Variants in DLGAP2 observed in about 807,000 individuals in gnomAD.
The protein encoded by DLGAP2 is disks large-associated protein 2.
DLGAP2 carries 26 observed loss-of-function variants against 100.3 expected under a neutral mutation model. The observed-to-expected ratio is 0.26, with a 90% CI of 0.19 to 0.36. DLGAP2 has a LOEUF of 0.36. Among genes scored for constraint, DLGAP2 ranks in the 10% least tolerant of loss-of-function variants. The pLI is 1.00. For synonymous variants in DLGAP2, 886 were observed against 630.1 expected, an observed-to-expected ratio of 1.41 and a Z score of -6.08; for missense variants, 1,858 against 1,453.2, an observed-to-expected ratio of 1.28 and a Z score of -4.53.
chr8:1,667,688 A>G (rs966425836), intron 8 of DLGAP2, among the ~76,000 whole-genome samples: 5 of 152,196 alleles, frequency 3.3e-5, no homozygotes, highest in African/African-American at 1.2e-4. Context: ...CTTCTCACAC[A>G]CAGGTTTCCT....
intron 3 of DLGAP2, among the ~76,000 whole-genome samples, chr8:1,496,220 A>G (rs1044328806): frequency 2.0e-5 from 3 of 151,300 alleles, no homozygotes; most frequent in African/African-American, 7.3e-5. Flanking sequence ...TCCCTCCATC[A>G]TCACTCAGGA....
intron 1 of DLGAP2, among the ~76,000 whole-genome samples, chr8:763,801 A>T (rs1821145661): frequency 6.6e-6 from 1 of 152,248 alleles, no homozygotes; most frequent in Non-Finnish European, 1.5e-5. Context: ...ATTTAAAAAA[A>T]ATGAAAAGAA....
rs928352630 is a variant in DLGAP2 at position 1,455,634 on chromosome 8, G to T, written c.107-45732G>T. The stretch of plus-strand genomic sequence containing the variant: ...TCTTTGAGCTTGTCCTGCTGTCTCA[G>T]CCCAGGGCCAGTCCCACTGCCAGGG... On this transcript the variant is annotated intron_variant, in intron 3 of 14. Coordinates refer to ENST00000637795, the MANE Select transcript of DLGAP2 (RefSeq NM_001346810.2). Among the ~76,000 whole-genome samples the T allele has an allele frequency of 2.6e-5, 4 of 152,218 alleles. No individual in the cohort carries two copies. In the East Asian group the frequency reaches 7.7e-4, roughly 29 times the overall value.
At chr8:881,188 G>C (rs1343760924) in intron 1 of DLGAP2, among the ~76,000 whole-genome samples, 2 of 152,182 alleles carry the variant, frequency 1.3e-5, no homozygotes, top group East Asian at 3.9e-4. Flanking sequence ...AGCGACCTAG[G>C]ATAGGGATTT....
intron 2 of DLGAP2, among the ~76,000 whole-genome samples, chr8:938,605 G>T (rs1300463607): frequency 1.3e-5 from 2 of 152,228 alleles, no homozygotes; most frequent in African/African-American, 4.8e-5. Flanking sequence ...ATTCCTGACT[G>T]CAAGAAAGAG....
intron 12 of DLGAP2, among the ~76,000 whole-genome samples, chr8:1,682,813 G>C (rs898325342): frequency 6.6e-6 from 1 of 151,616 alleles, no homozygotes. Flanking sequence ...CTTATTATTA[G>C]GCATCTGAAA....
At chr8:1,013,316 G>A (rs961952522) in intron 2 of DLGAP2, among the ~76,000 whole-genome samples, 13 of 152,158 alleles carry the variant, frequency 8.5e-5, no homozygotes, top group African/African-American at 3.1e-4. Flanking sequence ...TGAGCATCTC[G>A]TAGGTTGATA....
At chr8:895,400 C>T (rs962880391) in intron 1 of DLGAP2, among the ~76,000 whole-genome samples, 2 of 152,164 alleles carry the variant, frequency 1.3e-5, no homozygotes, top group African/African-American at 4.8e-5. Context: ...TGCTGAGACA[C>T]AGCAGCTCTT....
chr8:1,162,157 A>G (rs1796905432), intron 2 of DLGAP2, among the ~76,000 whole-genome samples: 1 of 152,246 alleles, frequency 6.6e-6, no homozygotes. Context: ...CCCTCCCGGC[A>G]GCAGGGGCGG....
In DLGAP2 at chr8:1,045,047, C is replaced by G. The variant is rs1310039296; in HGVS notation, c.73+137081C>G. On this transcript the variant is annotated intron_variant, in intron 2 of 14. Transcript: ENST00000637795. ...CACATGATAAGTGAGCAGAGAGAAC[C>G]TCCTGCCTATTTCTTTCTTCTTTCC... Among the ~76,000 whole-genome samples, 3 of 152,230 alleles carry G rather than the reference C, an allele frequency of 2.0e-5. No individual in the cohort carries two copies. In the East Asian group the frequency reaches 5.8e-4, roughly 29 times the overall value.
At chr8:970,136 G>A (rs909936736) in intron 2 of DLGAP2, among the ~76,000 whole-genome samples, 1 of 152,070 alleles carries the variant, frequency 6.6e-6, no homozygotes, top group Non-Finnish European at 1.5e-5. Flanking sequence ...TCATTTTGGA[G>A]CTGCAGTCAT....
At chr8:844,750 C>A (rs1425142509) in intron 1 of DLGAP2, among the ~76,000 whole-genome samples, 1 of 152,186 alleles carries the variant, frequency 6.6e-6, no homozygotes, top group Non-Finnish European at 1.5e-5. Flanking sequence ...ATATACTGTG[C>A]AGTTGACCTG....
chr8:1,691,224 C>T (rs1363779243), intron 12 of DLGAP2, among the ~76,000 whole-genome samples: 1 of 152,186 alleles, frequency 6.6e-6, no homozygotes, highest in Non-Finnish European at 1.5e-5. Flanking sequence ...ATCCAAACAG[C>T]AGCACTGAAA....
At chr8:1,380,461 A>T (rs1368031314) in intron 3 of DLGAP2, among the ~76,000 whole-genome samples, 3 of 152,142 alleles carry the variant, frequency 2.0e-5, no homozygotes, top group Non-Finnish European at 4.4e-5. Context: ...TCGTGCATAA[A>T]ACTCACCCCT....
At chr8:1,287,658 G>GGT (rs1799969662) in intron 3 of DLGAP2, among the ~76,000 whole-genome samples, 1 of 101,832 alleles carries the variant, frequency 9.8e-6, no homozygotes, top group Non-Finnish European at 1.9e-5. Context: ...GTGTGTGTGT[G>GGT]TATGGTTCTG....
intron 1 of DLGAP2, among the ~76,000 whole-genome samples, chr8:902,364 G>C (rs1013090313): frequency 4.0e-5 from 6 of 150,842 alleles, no homozygotes; most frequent in African/African-American, 1.5e-4. Context: ...CGGGGGCTGG[G>C]GGGGCACTCC....
intron 2 of DLGAP2, among the ~76,000 whole-genome samples, chr8:1,174,800 C>G (rs1479348905): frequency 3.9e-5 from 6 of 152,132 alleles, no homozygotes; most frequent in Non-Finnish European, 5.9e-5. Context: ...ATTATCACTA[C>G]CTCCATCATT....
chr8:1,556,961 G>A (rs1185923983), intron 5 of DLGAP2, among the ~76,000 whole-genome samples: 2 of 152,028 alleles, frequency 1.3e-5, no homozygotes, highest in Non-Finnish European at 1.5e-5. Flanking sequence ...GCTGGGAGAT[G>A]CTTGTGGGGT....
intron 3 of DLGAP2, among the ~76,000 whole-genome samples, chr8:1,354,485 C>T (rs1267443975): frequency 3.3e-5 from 5 of 152,292 alleles, no homozygotes; most frequent in East Asian, 1.9e-4. Flanking sequence ...TGCACTCCAG[C>T]CTGAGCAACA....
Sources: gnomAD v4.1 joint callset for allele counts (sites outside exome capture counted in the v4.1 genomes callset) on GRCh38, gnomAD v4.1.1 for gene constraint, MANE v1.5 for transcripts, NCBI Gene and HGNC (gene_info 2026-07-23, HGNC 2026-07-21) for gene names.